GRAMD2B: variants seen among roughly 807,000 people sequenced by gnomAD.
The protein encoded by GRAMD2B is GRAM domain-containing protein 2B.
In GRAMD2B, 41 loss-of-function variants were observed where a neutral mutation model predicts 59.2. The observed-to-expected ratio is 0.69, with a 90% CI of 0.54 to 0.90. The LOEUF (loss-of-function observed/expected upper bound fraction) is 0.90. Among genes scored for constraint, GRAMD2B ranks in the 40% least tolerant of loss-of-function variants. GRAMD2B has a pLI of 0.00. For missense variants in GRAMD2B, 424 were observed against 500.5 expected (o/e 0.85, Z 1.46); for synonymous variants, 161 against 182.7 (o/e 0.88, Z 0.96).
chr5:126,400,807 A>T (rs1757764689), intron 1 of GRAMD2B, among the ~76,000 whole-genome samples: 1 of 152,038 alleles, frequency 6.6e-6, no homozygotes, highest in African/African-American at 2.4e-5. Flanking sequence ...CTGCTGGTAA[A>T]TCTTCTGATA....
intron 1 of GRAMD2B, among the ~76,000 whole-genome samples, chr5:126,435,635 G>A (rs1762289932): frequency 6.6e-6 from 1 of 152,184 alleles, no homozygotes; most frequent in Non-Finnish European, 1.5e-5. Context: ...TAAAGAGAGA[G>A]GGCTGAATGA....
intron 1 of GRAMD2B, among the ~76,000 whole-genome samples, chr5:126,414,919 T>A (rs1272714389): frequency 2.6e-5 from 4 of 152,276 alleles, no homozygotes; most frequent in Non-Finnish European, 4.4e-5. Context: ...TTATACAACA[T>A]TTCTATGTAA....
In GRAMD2B at chr5:126,488,886, AG is replaced by A. The variant is rs772280180; in HGVS notation, c.1252del (p.Glu418LysfsTer78). The A allele has an allele frequency of 6.2e-7, 1 of 1,612,262 alleles. No individual in the cohort carries two copies. The highest frequency in any genetic ancestry group is 1.1e-5 in the South Asian group (1 of 91,048). On this transcript the variant is annotated frameshift_variant, in exon 13 of 14. Coordinates refer to ENST00000285689, the MANE Select transcript of GRAMD2B (RefSeq NM_023927.4). LOFTEE classifies it high-confidence loss of function. ...QELTANIVKL[E>X]KIQNNLQKLL... is the part of the protein sequence containing the mutation. Reference sequence around the variant, plus strand: ...AGCTTACAGCTAACATAGTGAAATTAGAAAAGGTGACCTATTTCTTTCCTGT... The same window carrying A: ...AGCTTACAGCTAACATAGTGAAATTAAAAAGGTGACCTATTTCTTTCCTGT...
intron 1 of GRAMD2B, among the ~76,000 whole-genome samples, chr5:126,362,891 A>T (rs1754280831): frequency 6.6e-6 from 1 of 152,186 alleles, no homozygotes; most frequent in African/African-American, 2.4e-5. Context: ...ACATACGAGT[A>T]AATAATCATT....
At chr5:126,396,101 G>A (rs1195780860) in intron 1 of GRAMD2B, among the ~76,000 whole-genome samples, 1 of 152,050 alleles carries the variant, frequency 6.6e-6, no homozygotes, top group African/African-American at 2.4e-5. Context: ...ACAGGTGTTA[G>A]GTAATATCTC....
At chr5:126,480,839 A>G in intron 8 of GRAMD2B, 132 bp downstream of exon 8, 1 of 710,768 alleles carries the variant, frequency 1.4e-6, no homozygotes. Flanking sequence ...TTGAAGAAAC[A>G]GGGCATATCT....
At chr5:126,381,965 T>C (rs1346717489) in intron 1 of GRAMD2B, among the ~76,000 whole-genome samples, 4 of 152,180 alleles carry the variant, frequency 2.6e-5, no homozygotes, top group African/African-American at 9.7e-5. Context: ...TTAGTTTTGC[T>C]GGGTACAAAA....
chr5:126,385,822 G>T (rs553601633), intron 1 of GRAMD2B, among the ~76,000 whole-genome samples: 10 of 152,164 alleles, frequency 6.6e-5, no homozygotes, highest in African/African-American at 2.4e-4. Context: ...CCATGGAGTC[G>T]TAAAGCAGCA....
chr5:126,444,461 C>T (rs1561531195), intron 1 of GRAMD2B, among the ~76,000 whole-genome samples: 1 of 152,126 alleles, frequency 6.6e-6, no homozygotes, highest in Non-Finnish European at 1.5e-5. Flanking sequence ...TTGGCAAGAA[C>T]CTTTTGCAAA....
rs781008973 is a variant in GRAMD2B at position 126,450,057 on chromosome 5, CT to C, written c.84-15358del. Among the ~76,000 whole-genome samples the C allele has an allele frequency of 7.4e-3, 1,089 of 147,178 alleles. 10 individuals are homozygous for C. The highest frequency in any genetic ancestry group is 0.012 in the Non-Finnish European group (764 of 66,388). ...TTAAGCTCTCTCTGGCTTTTGATCT[CT>C]TTTTTTTTTTCCTCCTACATGAAAC... On this transcript the variant is annotated intron_variant, in intron 1 of 13. Transcript: ENST00000285689.
Position 126,423,646 on chromosome 5 carries a change from G to A in GRAMD2B, c.40G>A (p.Ala14Thr), listed in dbSNP as rs1760042668. The A allele has an allele frequency of 6.2e-7, 1 of 1,609,210 alleles. No homozygotes were observed. Among genetic ancestry groups the A allele is most frequent in the African/African-American group, 1.3e-5 (1 of 74,536 alleles). The change falls in exon 1 of 14, where the codon GCG becomes ACG. Residue 14 changes from alanine to threonine, a missense_variant. Coordinates refer to ENST00000285689, the MANE Select transcript of GRAMD2B (RefSeq NM_023927.4). ...GCAAGATGTGGAAGACACAAAGCCT[G>A]CGAAAGTGCTCGGGAAGAGGGAGAG... ...LQQDVEDTKPAKVLGKRESKL... is the reference protein window; with the variant it reads ...LQQDVEDTKPTKVLGKRESKL...
chr5:126,383,154 G>A (rs1271018506), intron 1 of GRAMD2B, among the ~76,000 whole-genome samples: 2 of 152,110 alleles, frequency 1.3e-5, no homozygotes, highest in African/African-American at 4.8e-5. Context: ...TAAATTTCAT[G>A]GACATTTATT....
chr5:126,484,958 TATTA>T (rs1293512312), intron 10 of GRAMD2B, among the ~76,000 whole-genome samples: 55 of 152,336 alleles, frequency 3.6e-4, no homozygotes, highest in African/African-American at 1.3e-3. Flanking sequence ...GGTCTTTGCA[TATTA>T]ATTCACTTAT....
rs149829083 is a variant in GRAMD2B at position 126,373,228 on chromosome 5, A to G, written c.125+1661A>G. On this transcript the variant is annotated intron_variant, in intron 1 of 8. Coordinates refer to the GRAMD2B transcript ENST00000506445. The stretch of plus-strand genomic sequence containing the variant: ...GACTTTTAGTCTAGTTGAAAGATCT[A>G]TTTAATGTATTGTGTAGAAAATCAC... Among the ~76,000 whole-genome samples, 621 of 152,350 alleles carry G rather than the reference A, an allele frequency of 4.1e-3. 7 individuals are homozygous for G. The highest frequency in any genetic ancestry group is 0.014 in the African/African-American group (587 of 41,594).
At chr5:126,382,823 T>C (rs1755773878) in intron 1 of GRAMD2B, among the ~76,000 whole-genome samples, 1 of 152,148 alleles carries the variant, frequency 6.6e-6, no homozygotes. Context: ...GGGTAGACAA[T>C]GTCAGAGGGA....
chr5:126,469,354 C>G (rs1169002861), intron 2 of GRAMD2B, among the ~76,000 whole-genome samples: 1 of 152,034 alleles, frequency 6.6e-6, no homozygotes, highest in African/African-American at 2.4e-5. Context: ...AAAAATGTAT[C>G]TCATAGGCCA....
chr5:126,443,332 A>C (rs1160738681), intron 1 of GRAMD2B, among the ~76,000 whole-genome samples: 1 of 152,240 alleles, frequency 6.6e-6, no homozygotes, highest in Non-Finnish European at 1.5e-5. Flanking sequence ...GATCTTTCAG[A>C]AACTGTATGG....
At chr5:126,482,957 G>A (rs1320700036) in intron 8 of GRAMD2B, among the ~76,000 whole-genome samples, 2 of 151,970 alleles carry the variant, frequency 1.3e-5, no homozygotes, top group Non-Finnish European at 2.9e-5. Flanking sequence ...TAGTTGAGGG[G>A]AGAAAAAAAG....
chr5:126,440,149 G>C (rs1407766897), intron 1 of GRAMD2B, among the ~76,000 whole-genome samples: 1 of 152,038 alleles, frequency 6.6e-6, no homozygotes, highest in Non-Finnish European at 1.5e-5. Flanking sequence ...AAGAGTTACA[G>C]ACTAGCATCA....
Sources: gnomAD v4.1 joint callset for allele counts (sites outside exome capture counted in the v4.1 genomes callset) on GRCh38, gnomAD v4.1.1 for gene constraint, MANE v1.5 for transcripts, NCBI Gene and HGNC (gene_info 2026-07-23, HGNC 2026-07-21) for gene names.